CNTNAP5: variants seen among roughly 807,000 people sequenced by gnomAD.
The protein encoded by CNTNAP5 is contactin associated protein family member 5.
CNTNAP5 carries 72 observed loss-of-function variants against 150.2 expected under a neutral mutation model. The ratio of observed to expected loss-of-function variants is 0.48; its 90% CI spans 0.40 to 0.58. The LOEUF is 0.58. CNTNAP5 is among the 20% of genes least tolerant of loss of function. The probability of loss-of-function intolerance (pLI) is 0.00; values close to 1 mark genes in which losing one functional copy is unlikely to be tolerated. For synonymous variants in CNTNAP5, 672 were observed against 619.8 expected, an observed-to-expected ratio of 1.08 and a Z score of -1.25; for missense variants, 1,636 against 1,626.2, an observed-to-expected ratio of 1.01 and a Z score of -0.10.
chr2:124,713,292 T>TC (rs1679861041), intron 13 of CNTNAP5, among the ~76,000 whole-genome samples: 20 of 129,402 alleles, frequency 1.5e-4, no homozygotes, highest in Non-Finnish European at 2.6e-4. Flanking sequence ...TTTCTTTCTT[T>TC]CTTTCTTTCT....
chr2:124,402,630 C>G (rs372431427), intron 3 of CNTNAP5, among the ~76,000 whole-genome samples: 37 of 152,304 alleles, frequency 2.4e-4, no homozygotes, highest in Middle Eastern at 3.4e-3. Flanking sequence ...TCATTCCCCT[C>G]TTGCCAACTG....
intron 19 of CNTNAP5, among the ~76,000 whole-genome samples, chr2:124,808,487 C>A (rs1682129537): frequency 6.6e-6 from 1 of 151,312 alleles, no homozygotes; most frequent in Admixed American, 6.6e-5. Context: ...ACTCAGAAGG[C>A]TGAGGCAGAG....
chr2:124,430,622 T>C (rs776992065), intron 4 of CNTNAP5, among the ~76,000 whole-genome samples: 4 of 152,204 alleles, frequency 2.6e-5, no homozygotes, highest in Admixed American at 2.0e-4. Flanking sequence ...TGAAATACTT[T>C]AGCAATGCTG....
chr2:124,042,764 C>T (rs758238464), intron 1 of CNTNAP5, among the ~76,000 whole-genome samples: 6 of 151,268 alleles, frequency 4.0e-5, no homozygotes, highest in Middle Eastern at 3.4e-3. Flanking sequence ...CCCCCTCTTG[C>T]ATAAGCGTAA....
chr2:124,031,935 C>A (rs1681064043), intron 1 of CNTNAP5, among the ~76,000 whole-genome samples: 1 of 151,990 alleles, frequency 6.6e-6, no homozygotes, highest in African/African-American at 2.4e-5. Context: ...TGGTCAAGAG[C>A]AGATTTAAAT....
chr2:124,768,271 ATGTGTG>A (rs10598326), intron 16 of CNTNAP5, among the ~76,000 whole-genome samples: 8,948 of 131,012 alleles, frequency 0.068, 342 homozygotes, highest in South Asian at 0.16. Context: ...TACTGTATGT[ATGTGTG>A]TGTGTGTGTG....
intron 19 of CNTNAP5, among the ~76,000 whole-genome samples, chr2:124,857,523 G>A (rs1367730408): frequency 1.3e-5 from 2 of 151,902 alleles, no homozygotes; most frequent in African/African-American, 4.8e-5. Context: ...GGATTTTCAA[G>A]ATACGTATAC....
rs187547670 is a variant in CNTNAP5 at position 124,284,310 on chromosome 2, C to T, written c.381+41917C>T. Among the ~76,000 whole-genome samples, 8 of 152,274 alleles carry T rather than the reference C, an allele frequency of 5.3e-5. No individual in the cohort carries two copies. The East Asian group carries it at 1.5e-3, about 29-fold the overall frequency. The stretch of plus-strand genomic sequence containing the variant: ...AAGGCTACTGCCTGGGGAACCATTT[C>T]TAGATGGGTCAGGGAGGCCCCCAGA... On this transcript the variant is annotated intron_variant, in intron 3 of 23. Transcript: ENST00000682447.
intron 3 of CNTNAP5, among the ~76,000 whole-genome samples, chr2:124,267,356 T>C (rs993165361): frequency 3.9e-5 from 6 of 152,276 alleles, no homozygotes; most frequent in African/African-American, 1.4e-4. Context: ...GTCATGGTGA[T>C]TAATTTCCAT....
At chr2:124,574,324 G>A (rs928776630) in intron 11 of CNTNAP5, among the ~76,000 whole-genome samples, 2 of 152,148 alleles carry the variant, frequency 1.3e-5, no homozygotes, top group African/African-American at 4.8e-5. Flanking sequence ...ATTATACATG[G>A]TCACTAAGGA....
chr2:124,910,152 G>A (rs1481427663), intron 22 of CNTNAP5, among the ~76,000 whole-genome samples: 1 of 151,894 alleles, frequency 6.6e-6, no homozygotes, highest in Non-Finnish European at 1.5e-5. Flanking sequence ...TTCACTTGAA[G>A]ACACAATAAA....
intron 1 of CNTNAP5, among the ~76,000 whole-genome samples, chr2:124,108,794 C>A (rs1420003301): frequency 6.6e-6 from 1 of 152,170 alleles, no homozygotes; most frequent in African/African-American, 2.4e-5. Flanking sequence ...ATAACAGCAA[C>A]TTCCTTAAGA....
chr2:124,785,311 T>C (rs186059696), intron 17 of CNTNAP5, among the ~76,000 whole-genome samples: 34 of 152,308 alleles, frequency 2.2e-4, no homozygotes, highest in African/African-American at 7.9e-4. Flanking sequence ...CTGACCCCAG[T>C]GCAGTTGAGA....
intron 1 of CNTNAP5, among the ~76,000 whole-genome samples, chr2:124,099,340 C>G (rs1162141350): frequency 6.6e-6 from 1 of 152,198 alleles, no homozygotes; most frequent in Non-Finnish European, 1.5e-5. Flanking sequence ...GGGTTTACAT[C>G]TGTCTTCATA....
intron 13 of CNTNAP5, among the ~76,000 whole-genome samples, chr2:124,720,684 A>G (rs925298852): frequency 6.6e-6 from 1 of 152,220 alleles, no homozygotes; most frequent in Non-Finnish European, 1.5e-5. Context: ...TGAGATCCTG[A>G]GAATAAAAAC....
chr2:124,084,940 G>A (rs866545848), intron 1 of CNTNAP5, among the ~76,000 whole-genome samples: 6 of 3,404 alleles, frequency 1.8e-3, no homozygotes, highest in Admixed American at 0.015. Flanking sequence ...TTTTTTTTTT[G>A]AGACGGAGTC....
intron 16 of CNTNAP5, among the ~76,000 whole-genome samples, chr2:124,764,981 T>A (rs1573602186): frequency 6.6e-6 from 1 of 152,238 alleles, no homozygotes; most frequent in Middle Eastern, 3.4e-3. Flanking sequence ...TTAAGTTTTT[T>A]CATATGTTCA....
At position 124,042,903 on chromosome 2, in the gene CNTNAP5, G is replaced by A. The variant is rs558164330; in HGVS notation, c.82+17171G>A. 5.9e-5 allele frequency among the ~76,000 whole-genome samples: 9 copies of A among 152,142 alleles called. No homozygotes were observed. In the South Asian group the frequency reaches 1.2e-3, roughly 21 times the overall value. On this transcript the variant is annotated intron_variant, in intron 1 of 23. Transcript: ENST00000682447. ...TATGCTTTGGAGGTGACGTAACTACGTGACTCAGGAAAGGCCATGAACCAA... is the reference window on the plus strand; with the variant it reads ...TATGCTTTGGAGGTGACGTAACTACATGACTCAGGAAAGGCCATGAACCAA...
intron 4 of CNTNAP5, among the ~76,000 whole-genome samples, chr2:124,420,634 A>G (rs2104780988): frequency 6.6e-6 from 1 of 152,328 alleles, no homozygotes; most frequent in South Asian, 2.1e-4. Context: ...GATTATCCTA[A>G]GTAATCTGAA....
Sources: allele counts gnomAD v4.1 joint callset (sites outside exome capture counted in the v4.1 genomes callset), GRCh38; gene constraint gnomAD v4.1.1; transcripts MANE v1.5; gene names NCBI Gene and HGNC (gene_info 2026-07-23, HGNC 2026-07-21).